Variants in RAB38 observed in about 807,000 individuals in gnomAD.
RAB38 encodes the protein RAB38, member RAS oncogene family.
A neutral mutation model predicts 18.4 loss-of-function variants in RAB38; 15 were observed. The ratio of observed to expected loss-of-function variants is 0.82; its 90% CI spans 0.55 to 1.26. RAB38 has a LOEUF of 1.26. RAB38 is among the 50% of genes most tolerant of loss of function. RAB38 has a pLI of 0.00. For missense variants in RAB38, 294 were observed against 267.4 expected (o/e 1.10, Z -0.69); for synonymous variants, 101 against 104.4 (o/e 0.97, Z 0.20).
At chr11:88,153,485 T>TC (rs1161845291) in intron 1 of RAB38, among the ~76,000 whole-genome samples, 6 of 152,018 alleles carry the variant, frequency 3.9e-5, no homozygotes, top group African/African-American at 1.4e-4. Context: ...GCCCCTCCTC[T>TC]CCCCCAGCAC....
the RAB38 span, among the ~76,000 whole-genome samples, chr11:88,019,555 G>GCTATCAACACTCAAAATGC: frequency 5.3e-5 from 8 of 152,142 alleles, no homozygotes; most frequent in African/African-American, 1.9e-4. Context: ...ATCATTCCCT[G>GCTATCAACACTCAAAATGC]CTATCAACAC....
At chr11:87,873,000 A>G in the RAB38 span, among the ~76,000 whole-genome samples, 30 of 151,720 alleles carry the variant, frequency 2.0e-4, no homozygotes, top group African/African-American at 7.0e-4. Flanking sequence ...TCGCATAGTA[A>G]AAATATGATT....
chr11:88,024,842 G>A, the RAB38 span, among the ~76,000 whole-genome samples: 1 of 152,088 alleles, frequency 6.6e-6, no homozygotes, highest in Admixed American at 6.5e-5. Flanking sequence ...CAGAATAGAA[G>A]GATGGTTGGC....
At chr11:87,804,320 G>A in the RAB38 span, among the ~76,000 whole-genome samples, 8 of 152,042 alleles carry the variant, frequency 5.3e-5, no homozygotes, top group Non-Finnish European at 8.8e-5. Flanking sequence ...CTAGATCAAG[G>A]TATCTGGCCC....
the RAB38 span, among the ~76,000 whole-genome samples, chr11:87,977,572 T>C: frequency 8.4e-6 from 1 of 118,600 alleles, no homozygotes; most frequent in Non-Finnish European, 1.6e-5. Flanking sequence ...AATATACTTA[T>C]GTAACATAAT....
At chr11:88,029,076 A>T in the RAB38 span, among the ~76,000 whole-genome samples, 4 of 152,062 alleles carry the variant, frequency 2.6e-5, no homozygotes, top group Non-Finnish European at 5.9e-5. Flanking sequence ...GCCAATATTC[A>T]ACATTCTTAA....
intron 2 of RAB38, among the ~76,000 whole-genome samples, chr11:88,120,355 G>A (rs1942613897): frequency 6.6e-6 from 1 of 152,128 alleles, no homozygotes; most frequent in African/African-American, 2.4e-5. Context: ...TCTTCTTAGA[G>A]TCTATGGCCT....
the RAB38 span, among the ~76,000 whole-genome samples, chr11:87,891,917 C>A: frequency 6.6e-6 from 1 of 151,808 alleles, no homozygotes; most frequent in African/African-American, 2.4e-5. Flanking sequence ...GCCCTGTGTA[C>A]ACAACTGAAT....
the RAB38 span, among the ~76,000 whole-genome samples, chr11:88,087,872 T>C: frequency 1.3e-5 from 2 of 151,936 alleles, no homozygotes; most frequent in Non-Finnish European, 2.9e-5. Flanking sequence ...CAGATCCCGT[T>C]TTGGTCAGCA....
At chr11:88,106,444 C>T in the RAB38 span, among the ~76,000 whole-genome samples, 2 of 151,546 alleles carry the variant, frequency 1.3e-5, no homozygotes. Context: ...TTGATATTTA[C>T]AAAAAAAACA....
the RAB38 span, among the ~76,000 whole-genome samples, chr11:87,919,146 T>C: frequency 0.067 from 10,184 of 152,066 alleles, 1,064 homozygotes; most frequent in African/African-American, 0.23. Flanking sequence ...CTTGACATCA[T>C]TGTCAAAAAT....
At chr11:87,875,949 A>G in the RAB38 span, among the ~76,000 whole-genome samples, 1 of 151,502 alleles carries the variant, frequency 6.6e-6, no homozygotes, top group East Asian at 2.0e-4. Context: ...CCCATTCTTT[A>G]CATTTATTTT....
the RAB38 span, among the ~76,000 whole-genome samples, chr11:87,853,934 T>C: frequency 6.6e-6 from 1 of 152,196 alleles, no homozygotes; most frequent in Admixed American, 6.5e-5. Context: ...GACCATCAGC[T>C]GAGGGTCTTT....
chr11:87,847,195 G>C, the RAB38 span, among the ~76,000 whole-genome samples: 1 of 152,002 alleles, frequency 6.6e-6, no homozygotes, highest in African/African-American at 2.4e-5. Flanking sequence ...ACAGATGGTA[G>C]AAGAAAGTAA....
At chr11:88,137,243 T>C (rs1192742298) in intron 2 of RAB38, among the ~76,000 whole-genome samples, 2 of 152,224 alleles carry the variant, frequency 1.3e-5, no homozygotes, top group African/African-American at 2.4e-5. Flanking sequence ...TGCTTTTGAT[T>C]ATCTTGCTCT....
the RAB38 span, among the ~76,000 whole-genome samples, chr11:88,044,230 C>T: frequency 6.6e-6 from 1 of 152,222 alleles, no homozygotes; most frequent in Non-Finnish European, 1.5e-5. Flanking sequence ...CACGTGGAGA[C>T]ACCTGCCTTG....
At chr11:87,955,113 A>G in the RAB38 span, among the ~76,000 whole-genome samples, 1 of 152,184 alleles carries the variant, frequency 6.6e-6, no homozygotes, top group Non-Finnish European at 1.5e-5. Context: ...TCACTGGCCC[A>G]TGGGTGCCCC....
At chr11:88,138,568 T>C (rs1440187980) in intron 2 of RAB38, among the ~76,000 whole-genome samples, 1 of 152,042 alleles carries the variant, frequency 6.6e-6, no homozygotes, top group Non-Finnish European at 1.5e-5. Context: ...TAGAGAGAGT[T>C]GGGTTCTAAT....
chr11:87,903,637 A>C, the RAB38 span, among the ~76,000 whole-genome samples: 2 of 150,706 alleles, frequency 1.3e-5, no homozygotes, highest in Admixed American at 6.6e-5. Context: ...AGCTTATTTT[A>C]TTTCTTTCTT....
Sources: gnomAD v4.1 joint callset for allele counts (sites outside exome capture counted in the v4.1 genomes callset) on GRCh38, gnomAD v4.1.1 for gene constraint, MANE v1.5 for transcripts, NCBI Gene and HGNC (gene_info 2026-07-23, HGNC 2026-07-21) for gene names.